DPF3: variants seen among roughly 807,000 people sequenced by gnomAD.
The protein encoded by DPF3 is double PHD fingers 3.
In DPF3, 18 loss-of-function variants were observed where a neutral mutation model predicts 56.8. The observed-to-expected ratio is 0.32, with a 90% CI of 0.22 to 0.47. The LOEUF (loss-of-function observed/expected upper bound fraction) is 0.47, where lower values mean the gene tolerates loss of function less well. Among genes scored for constraint, DPF3 ranks in the 20% least tolerant of loss-of-function variants. The pLI, the probability that DPF3 is intolerant of heterozygous loss-of-function variation, is 1.00. For synonymous variants in DPF3, 188 were observed against 180.2 expected (o/e 1.04, Z -0.35); for missense variants, 403 against 488.8 (o/e 0.82, Z 1.65).
intron 1 of DPF3, among the ~76,000 whole-genome samples, chr14:72,818,101 C>T (rs575346885): frequency 6.6e-6 from 1 of 152,144 alleles, no homozygotes; most frequent in Non-Finnish European, 1.5e-5. Context: ...ATTAGCTGGG[C>T]ATGGTGGTAC....
intron 7 of DPF3, among the ~76,000 whole-genome samples, chr14:72,686,748 A>G (rs1322662690): frequency 1.3e-5 from 2 of 152,218 alleles, no homozygotes. Context: ...ATTTCCCAGA[A>G]AGAGCTCTGT....
At chr14:72,740,609 T>C (rs1890084427) in intron 3 of DPF3, among the ~76,000 whole-genome samples, 1 of 152,116 alleles carries the variant, frequency 6.6e-6, no homozygotes, top group African/African-American at 2.4e-5. Flanking sequence ...GGCAAAGGTG[T>C]GAAGCCACAC....
At chr14:72,790,309 G>A (rs1301591846) in intron 1 of DPF3, among the ~76,000 whole-genome samples, 1 of 152,034 alleles carries the variant, frequency 6.6e-6, no homozygotes, top group South Asian at 2.1e-4. Flanking sequence ...AAGCTTCCTG[G>A]GAGAAAGACT....
chr14:72,629,170 A>G (rs1221433956), intron 9 of DPF3, among the ~76,000 whole-genome samples: 3 of 152,230 alleles, frequency 2.0e-5, no homozygotes, highest in Non-Finnish European at 2.9e-5. Flanking sequence ...TGAGATACAT[A>G]TGAAGTAGTT....
chr14:72,813,803 T>G (rs973443523), intron 1 of DPF3, among the ~76,000 whole-genome samples: 1 of 152,202 alleles, frequency 6.6e-6, no homozygotes, highest in Non-Finnish European at 1.5e-5. Flanking sequence ...AATGAGATGA[T>G]GGATGCTGGG....
chr14:72,806,082 TC>T (rs1370148896), intron 1 of DPF3: 3 of 152,192 alleles, frequency 2.0e-5, no homozygotes, highest in African/African-American at 7.2e-5. Context: ...CAGAGGGTCT[TC>T]GAGACAATTC....
At chr14:72,716,589 C>A (rs1000490854) in intron 5 of DPF3, among the ~76,000 whole-genome samples, 1 of 152,092 alleles carries the variant, frequency 6.6e-6, no homozygotes, top group Non-Finnish European at 1.5e-5. Flanking sequence ...TGTTGGTTTA[C>A]AAGTTGATTT....
Position 72,876,704 on chromosome 14 carries a change from C to A in DPF3, c.32+17353G>T, listed in dbSNP as rs577644770. On this transcript the variant is annotated intron_variant, in intron 1 of 10. Coordinates refer to ENST00000556509, the MANE Select transcript of DPF3 (RefSeq NM_001280542.3). The stretch of plus-strand genomic sequence containing the variant: ...TGGTGACTAAAGTTCCCCAGCCTCA[C>A]CCTCCCGAGCCTAACCAGACCCCAC... 2.0e-5 allele frequency among the ~76,000 whole-genome samples: 3 copies of A among 152,302 alleles called. 1 individual carries two copies. Among genetic ancestry groups the A allele is most frequent in the East Asian group, 1.9e-4 (1 of 5,186 alleles).
At chr14:72,702,943 G>A (rs997766204) in intron 6 of DPF3, among the ~76,000 whole-genome samples, 1 of 152,192 alleles carries the variant, frequency 6.6e-6, no homozygotes, top group Non-Finnish European at 1.5e-5. Context: ...CCGGGGGTCT[G>A]GCTCTGGGTC....
At position 72,741,272 on chromosome 14, in the gene DPF3, G is replaced by A. The variant is rs140324086; in HGVS notation, c.302-9338C>T. ...AAGTCCTCCACCCTCCATCCCACAC[G>A]CCTCTCAGAATAACCCCGCAAAATC... On this transcript the variant is annotated intron_variant, in intron 3 of 10. Transcript: ENST00000556509. Among the ~76,000 whole-genome samples the A allele has an allele frequency of 1.9e-3, 294 of 152,164 alleles. 1 individual carries two copies. Among genetic ancestry groups the A allele is most frequent in the Middle Eastern group, 0.017 (5 of 294 alleles).
chr14:72,674,991 G>C (rs7140963), intron 7 of DPF3, among the ~76,000 whole-genome samples: 9,883 of 152,268 alleles, frequency 0.065, 954 homozygotes, highest in African/African-American at 0.2. Context: ...ATCATGGAAA[G>C]TGCCCAAGAC....
intron 1 of DPF3, among the ~76,000 whole-genome samples, chr14:72,834,495 A>C (rs1420652329): frequency 1.6e-4 from 3 of 19,280 alleles, no homozygotes; most frequent in African/African-American, 3.0e-4. Flanking sequence ...AGACTGTCTC[A>C]AAAAAAAAAA....
chr14:72,823,499 A>G (rs1164560876), intron 1 of DPF3, among the ~76,000 whole-genome samples: 1 of 152,194 alleles, frequency 6.6e-6, no homozygotes, highest in Admixed American at 6.5e-5. Flanking sequence ...GAGTCTGTGA[A>G]TGTGAAGTAG....
chr14:72,702,110 G>A, intron 6 of DPF3, among the ~76,000 whole-genome samples: 1 of 152,172 alleles, frequency 6.6e-6, no homozygotes, highest in East Asian at 1.9e-4. Flanking sequence ...GCCCTGGTCT[G>A]TCTGCCCTTG....
chr14:72,820,239 T>C (rs1883473274), intron 1 of DPF3, among the ~76,000 whole-genome samples: 2 of 152,178 alleles, frequency 1.3e-5, no homozygotes, highest in Admixed American at 1.3e-4. Context: ...CAAATTAATA[T>C]TCTTAATATA....
At chr14:72,726,986 A>G (rs1889433732) in intron 4 of DPF3, among the ~76,000 whole-genome samples, 1 of 152,200 alleles carries the variant, frequency 6.6e-6, no homozygotes, top group Non-Finnish European at 1.5e-5. Context: ...TTTATGAAAT[A>G]CAAATTCACG....
At position 72,778,187 on chromosome 14, in the gene DPF3, G is replaced by A. The variant is rs568100388; in HGVS notation, c.33-6294C>T. On this transcript the variant is annotated intron_variant, in intron 1 of 10. Coordinates refer to ENST00000556509, the MANE Select transcript of DPF3 (RefSeq NM_001280542.3). ...TGACAGACAATTATTTAAGCCAGGG[G>A]TCCCAAACCCCTGGGCCACAGAGCA... Among the ~76,000 whole-genome samples the A allele has an allele frequency of 2.6e-5, 4 of 152,286 alleles. No individual in the cohort carries two copies. The East Asian group carries it at 7.7e-4, about 29-fold the overall frequency.
At chr14:72,764,981 T>C (rs560664313) in intron 2 of DPF3, among the ~76,000 whole-genome samples, 6 of 152,316 alleles carry the variant, frequency 3.9e-5, no homozygotes, top group African/African-American at 1.4e-4. Flanking sequence ...GTGTCAAAGT[T>C]GAGTTAAACT....
chr14:72,677,603 C>T (rs114346129), intron 7 of DPF3, among the ~76,000 whole-genome samples: 1,437 of 142,540 alleles, frequency 0.01, 26 homozygotes, highest in African/African-American at 0.037. Context: ...GTTGTTGGAA[C>T]CCCTACAATC....
Sources: gnomAD v4.1 joint callset for allele counts (sites outside exome capture counted in the v4.1 genomes callset) on GRCh38, gnomAD v4.1.1 for gene constraint, MANE v1.5 for transcripts, NCBI Gene and HGNC (gene_info 2026-07-23, HGNC 2026-07-21) for gene names.